Variants in DAB2IP observed in about 807,000 individuals in gnomAD.
The protein encoded by DAB2IP is disabled homolog 2-interacting protein.
A neutral mutation model predicts 107.2 loss-of-function variants in DAB2IP; 28 were observed. The ratio of observed to expected loss-of-function variants is 0.26; its 90% confidence interval spans 0.19 to 0.36. The LOEUF (loss-of-function observed/expected upper bound fraction) is 0.36, where lower values mean the gene tolerates loss of function less well. Ranked by LOEUF, DAB2IP falls within the 10% of genes least tolerant of loss-of-function variation. DAB2IP has a pLI of 1.00. For missense variants in DAB2IP, 1,400 were observed against 1,644.7 expected (o/e 0.85, Z 2.57); for synonymous variants, 755 against 706.4 (o/e 1.07, Z -1.09).
rs540979327 is a variant in DAB2IP, at chr9:121,757,842, C to T, written c.516+676C>T. On this transcript the variant is annotated intron_variant, in intron 4 of 15. Coordinates refer to ENST00000408936, the Ensembl canonical transcript of DAB2IP. ...TACCAGTTTCTGGGAAGATTCCTACCCCCAATAATCATGCATAACTAGGAG... is the reference window on the plus strand; with the variant it reads ...TACCAGTTTCTGGGAAGATTCCTACTCCCAATAATCATGCATAACTAGGAG... Among the ~76,000 whole-genome samples, 204 of 152,328 alleles carry T rather than the reference C, an allele frequency of 1.3e-3. 1 individual carries two copies. The highest frequency in any genetic ancestry group is 4.6e-3 in the African/African-American group (191 of 41,572).
At chr9:121,694,422 C>G (rs939293256) in intron 2 of DAB2IP, among the ~76,000 whole-genome samples, 1 of 152,130 alleles carries the variant, frequency 6.6e-6, no homozygotes, top group African/African-American at 2.4e-5. Context: ...GGGAGTGATT[C>G]GTCAGAACAG....
intron 8 of DAB2IP, among the ~76,000 whole-genome samples, chr9:121,765,864 C>G (rs116211521): frequency 5.1e-4 from 77 of 152,358 alleles, no homozygotes; most frequent in African/African-American, 1.8e-3. Flanking sequence ...CTGGGGCAGT[C>G]ACTACCTCCC....
At chr9:121,766,643 A>G (rs764194935) in exon 9 of DAB2IP, 4 of 1,614,010 alleles carry the variant, frequency 2.5e-6, no homozygotes, top group East Asian at 2.2e-5. Flanking sequence ...TCACTCTTCA[A>G]CCTGCTGCAG....
intron 1 of DAB2IP, among the ~76,000 whole-genome samples, chr9:121,644,861 T>A (rs2119045312): frequency 6.6e-6 from 1 of 152,288 alleles, no homozygotes; most frequent in South Asian, 2.1e-4. Flanking sequence ...GAATGGGGGC[T>A]TCCTAGGAGC....
At chr9:121,645,751 G>A (rs1417715944) in intron 1 of DAB2IP, among the ~76,000 whole-genome samples, 1 of 152,176 alleles carries the variant, frequency 6.6e-6, no homozygotes. Context: ...TTTCTCTCAA[G>A]GTTCCTTCTA....
intron 2 of DAB2IP, among the ~76,000 whole-genome samples, chr9:121,689,019 G>A (rs770069708): frequency 4.1e-4 from 62 of 152,204 alleles, no homozygotes; most frequent in African/African-American, 1.1e-3. Context: ...AGTGCCGGAC[G>A]TGGTGGCTCA....
intron 1 of DAB2IP, among the ~76,000 whole-genome samples, chr9:121,588,466 A>G (rs1210448831): frequency 6.7e-6 from 1 of 149,620 alleles, no homozygotes; most frequent in Non-Finnish European, 1.5e-5. Flanking sequence ...TCTGAGAGGT[A>G]TTCATGCATA....
intron 3 of DAB2IP, among the ~76,000 whole-genome samples, chr9:121,749,308 G>A (rs1832940092): frequency 6.6e-6 from 1 of 152,252 alleles, no homozygotes; most frequent in African/African-American, 2.4e-5. Flanking sequence ...TGCATTCATT[G>A]TGACCATGTC....
intron 3 of DAB2IP, among the ~76,000 whole-genome samples, chr9:121,715,372 G>C (rs1439723589): frequency 6.8e-6 from 1 of 146,934 alleles, no homozygotes; most frequent in East Asian, 2.0e-4. Flanking sequence ...TTTTGAGACA[G>C]AGTCTTTCTC....
intron 1 of DAB2IP, among the ~76,000 whole-genome samples, chr9:121,655,893 T>C (rs1486721708): frequency 6.6e-6 from 1 of 152,102 alleles, no homozygotes; most frequent in Non-Finnish European, 1.5e-5. Flanking sequence ...CATGCCTCTG[T>C]ATCTTGCCCG....
At chr9:121,697,709 C>T (rs569221086) in intron 2 of DAB2IP, among the ~76,000 whole-genome samples, 59 of 152,326 alleles carry the variant, frequency 3.9e-4, no homozygotes, top group Non-Finnish European at 7.5e-4. Flanking sequence ...TTGGACTCCA[C>T]TGCCTGGGAT....
intron 3 of DAB2IP, among the ~76,000 whole-genome samples, chr9:121,741,644 C>T (rs550484362): frequency 3.3e-5 from 5 of 151,780 alleles, no homozygotes; most frequent in Admixed American, 6.6e-5. Flanking sequence ...AGGGGTGATC[C>T]TGCCTGGAAA....
intron 1 of DAB2IP, among the ~76,000 whole-genome samples, chr9:121,623,803 T>C (rs190884006): frequency 6.6e-6 from 1 of 152,244 alleles, no homozygotes; most frequent in Non-Finnish European, 1.5e-5. Context: ...TTCTCCTGTC[T>C]CAGCATCCTT....
intron 3 of DAB2IP, among the ~76,000 whole-genome samples, chr9:121,737,930 GGGGGACTCCCTT>G: frequency 6.6e-6 from 1 of 152,122 alleles, no homozygotes; most frequent in East Asian, 1.9e-4. Context: ...GGGACTGAAT[GGGGGACTCCCTT>G]GGACATGGGA....
At chr9:121,640,243 C>T (rs547213247) in intron 1 of DAB2IP, among the ~76,000 whole-genome samples, 33 of 152,264 alleles carry the variant, frequency 2.2e-4, no homozygotes, top group South Asian at 4.1e-4. Context: ...GAGGGCTCCC[C>T]GCTGCTGTGT....
intron 4 of DAB2IP, among the ~76,000 whole-genome samples, chr9:121,758,595 G>A (rs993160499): frequency 6.6e-6 from 1 of 152,210 alleles, no homozygotes; most frequent in African/African-American, 2.4e-5. Context: ...GGGAGAGGGA[G>A]GTTAGAGTTA....
At chr9:121,700,918 C>T (rs1173963034) in intron 3 of DAB2IP, among the ~76,000 whole-genome samples, 2 of 152,158 alleles carry the variant, frequency 1.3e-5, no homozygotes, top group Non-Finnish European at 2.9e-5. Flanking sequence ...CAGAGCTCAG[C>T]GCTGGGTGCA....
intron 1 of DAB2IP, among the ~76,000 whole-genome samples, chr9:121,587,542 A>G (rs1464021920): frequency 6.7e-6 from 1 of 150,236 alleles, no homozygotes; most frequent in Non-Finnish European, 1.5e-5. Flanking sequence ...TGGGAGGTTG[A>G]GGTTGCAGTG....
intron 8 of DAB2IP, among the ~76,000 whole-genome samples, chr9:121,764,092 C>T (rs564773545): frequency 6.6e-6 from 1 of 152,370 alleles, no homozygotes; most frequent in African/African-American, 2.4e-5. Context: ...GCCAGTCTGC[C>T]GTCTCTGGTG....
Sources: gnomAD v4.1 joint callset for allele counts (sites outside exome capture counted in the v4.1 genomes callset) on GRCh38, gnomAD v4.1.1 for gene constraint, MANE v1.5 for transcripts, NCBI Gene and HGNC (gene_info 2026-07-23, HGNC 2026-07-21) for gene names.